RPL3L: variants seen among roughly 807,000 people sequenced by gnomAD.
The protein encoded by RPL3L is ribosomal protein uL3-like.
A neutral mutation model predicts 44.5 loss-of-function variants in RPL3L; 44 were observed. The ratio of observed to expected loss-of-function variants is 0.99; its 90% CI spans 0.78 to 1.27. The LOEUF (loss-of-function observed/expected upper bound fraction) is 1.27. RPL3L is among the 50% of genes most tolerant of loss of function. RPL3L has a pLI of 0.00. For synonymous variants in RPL3L, 292 were observed against 230.7 expected (o/e 1.27, Z -2.41); for missense variants, 631 against 569.1 (o/e 1.11, Z -1.11).
chr16:1,946,505 G>C, intron 7 of RPL3L, 120 bp downstream of exon 7: 1 of 1,029,338 alleles, frequency 9.7e-7, no homozygotes, highest in South Asian at 1.5e-5. Flanking sequence ...GGCAGGGAGC[G>C]TCCAGCTGAG....
chr16:1,951,052 T>C, intron 3 of RPL3L, 73 bp from the exon 4 acceptor site: 1 of 1,556,474 alleles, frequency 6.4e-7, no homozygotes, highest in South Asian at 1.2e-5. Flanking sequence ...TGCCCCCACC[T>C]CACCCCCAGC....
At position 1,945,875 on chromosome 16, in the gene RPL3L, C is replaced by T. The variant is rs767496876; in HGVS notation, c.1007G>A (p.Cys336Tyr). 3 of 1,613,954 alleles carry T rather than the reference C, an allele frequency of 1.9e-6. No individual in the cohort carries two copies. The highest frequency in any genetic ancestry group is 1.1e-5 in the South Asian group (1 of 91,082). The change falls in exon 8 of 10, where the codon TGT becomes TAT. Residue 336 changes from cysteine to tyrosine, a missense_variant. Coordinates refer to ENST00000268661, the MANE Select transcript of RPL3L (RefSeq NM_005061.3). ...VNNDFVMLKG[C>Y]IAGTKKRVIT... ...GACCCGCTTCTTGGTACCAGCAATA[C>T]AACCCTTCAGCATGACGAAGTCGTT...
intron 1 of RPL3L, 48 bp downstream of exon 1, chr16:1,954,579 CCA>C (rs1567312898): frequency 2.6e-6 from 4 of 1,528,822 alleles, no homozygotes; most frequent in Non-Finnish European, 3.5e-6. Context: ...TCCCACCCCC[CCA>C]GAGTTCCAGC....
chr16:1,947,414 C>T (rs758584146), intron 4 of RPL3L, 34 bp from the exon 5 acceptor site: 16 of 1,496,618 alleles, frequency 1.1e-5, no homozygotes, highest in Non-Finnish European at 1.4e-5. Flanking sequence ...CGCCACGGCC[C>T]ACGGGATCAC....
At chr16:1,946,033 G>A in intron 7 of RPL3L, 103 bp from the exon 8 acceptor site, 1 of 965,654 alleles carries the variant, frequency 1.0e-6, no homozygotes, top group Non-Finnish European at 1.6e-6. Context: ...TGATAGGCAG[G>A]AGCCCCGTGC....
At chr16:1,945,210 C>T in intron 9 of RPL3L, among the ~76,000 whole-genome samples, 1 of 152,108 alleles carries the variant, frequency 6.6e-6, no homozygotes, top group Admixed American at 6.5e-5. Context: ...AGAAAATTAG[C>T]CTGGCGTGGT....
rs1267758005 is a variant in RPL3L at position 1,946,707 on chromosome 16, C to A, written c.869G>T (p.Gly290Val). The A allele has an allele frequency of 2.5e-6, 4 of 1,612,646 alleles. No individual in the cohort carries two copies. Among genetic ancestry groups the A allele is most frequent in the Admixed American group, 3.3e-5 (2 of 60,030 alleles). ...LNKKIFRIGR[G>V]PHMEDGKLVK... ...CAGCTTCCCGTCCTCCATGTGCGGG[C>A]CCCTGCCGATGCGGAAGATCTGCCA... The change falls in exon 7 of 10, where the codon GGC (glycine) becomes GTC (valine). Residue 290 changes from glycine to valine, a missense_variant. Transcript: ENST00000268661.
rs750814211 is a variant in RPL3L, at chr16:1,953,026, C to T, written c.213G>A (p.Glu71=). ...CTACAATTGTCACCGCCTCCACCTC[C>T]TCCCGTTTGGAAATTTCTGGATGAG... ...HRPGLKISKR[E]EVEAVTIVET... is the part of the protein sequence containing the mutation. Residue 71 remains glutamate (E), a synonymous_variant, in exon 3 of 10, where the codon GAG becomes GAA. Transcript: ENST00000268661. 8.8e-6 allele frequency: 14 copies of T among 1,599,354 alleles called. No individual in the cohort carries two copies. Among genetic ancestry groups the T allele is most frequent in the African/African-American group, 2.7e-5 (2 of 74,436 alleles).
At chr16:1,945,022 C>T (rs920328630) in intron 9 of RPL3L, 129 bp from the exon 10 acceptor site, 5 of 1,184,306 alleles carry the variant, frequency 4.2e-6, no homozygotes, top group Admixed American at 3.6e-5. Context: ...CCCCCACCTT[C>T]TCTTCTAAAG....
At chr16:1,944,985 C>T (rs1160741676) in intron 9 of RPL3L, 92 bp from the exon 10 acceptor site, 2 of 1,503,694 alleles carry the variant, frequency 1.3e-6, no homozygotes, top group South Asian at 1.1e-5. Flanking sequence ...CAGGGCCGGC[C>T]CTACTGCCCC....
chr16:1,944,699 TCTAGGCAGCAGGCAAGGTGAA>T lies in RPL3L; in HGVS notation c.*117_*137del. 2.0e-6 allele frequency: 2 copies of T among 1,000,850 alleles called. No individual in the cohort carries two copies. The highest frequency in any genetic ancestry group is 1.6e-6 in the Non-Finnish European group (1 of 637,862). The allele number at this position is 1,000,850 out of a possible 1,614,324, so 62.0% of individuals were successfully genotyped here. ...CCCCTGTCTTAATGAATCGGCTTTG[TCTAGGCAGCAGGCAAGGTGAA>T]CCCCTTGGGCGGTTACACAGCGCTC... On this transcript the variant is annotated 3_prime_UTR_variant, in exon 10 of 10. Transcript: ENST00000268661.
chr16:1,944,825 AC>A lies in RPL3L; in HGVS notation c.*11del, dbSNP rs779813145. ...GTGCGGTGCGCTTCAGGGTTCATCC[AC>A]CCCACACAGCCTACAAGTCTCCCGA... On this transcript the variant is annotated 3_prime_UTR_variant, in exon 10 of 10. Transcript: ENST00000268661. 1.9e-6 allele frequency: 3 copies of A among 1,613,922 alleles called. No homozygotes were observed. In the South Asian group the frequency reaches 3.3e-5, roughly 18 times the overall value.
At chr16:1,945,016 C>T (rs2083110103) in intron 9 of RPL3L, 123 bp from the exon 10 acceptor site, 3 of 1,225,108 alleles carry the variant, frequency 2.4e-6, no homozygotes, top group Admixed American at 1.8e-5. Flanking sequence ...CTTCCTCCCC[C>T]ACCTTCTCTT....
At chr16:1,948,006 C>G (rs536022518) in intron 4 of RPL3L, among the ~76,000 whole-genome samples, 1 of 146,428 alleles carries the variant, frequency 6.8e-6, no homozygotes, top group African/African-American at 2.6e-5. Context: ...GGCATGATCT[C>G]GGCTCACTGC....
chr16:1,952,251 C>T (rs766071415), intron 3 of RPL3L, among the ~76,000 whole-genome samples: 6 of 149,662 alleles, frequency 4.0e-5, no homozygotes, highest in East Asian at 2.0e-4. Context: ...CTACTACAGT[C>T]GTGAGCCACC....
chr16:1,944,094 C>G lies in RPL3L; in HGVS notation c.*743G>C, dbSNP rs928467179. 3.3e-5 allele frequency: 5 copies of G among 152,248 alleles called. No homozygotes were observed. The highest frequency in any genetic ancestry group is 7.3e-5 in the Non-Finnish European group (5 of 68,072). 9.4% of individuals were successfully genotyped at this position (152,248 alleles called of 1,614,324 possible). A position where few individuals can be genotyped will look rare whatever the true frequency, so the allele number is the denominator to read the frequency against. ...AAAGTGCTGGGATTACAGGCGTGAG[C>G]CACCGCGCCCAGCCAGTTTATAGTT... On this transcript the variant is annotated 3_prime_UTR_variant, in exon 10 of 10. Coordinates refer to ENST00000268661, the MANE Select transcript of RPL3L (RefSeq NM_005061.3).
chr16:1,950,828 A>G lies in RPL3L; in HGVS notation c.501+16T>C. On this transcript the variant is annotated intron_variant, in intron 4 of 9. Transcript: ENST00000268661. ...GGTCCTAGGGACTGACCGACAGCGG[A>G]GGGCCGGGGGCTGACCTGAGTGTGG... 1 of 1,613,902 alleles carries G rather than the reference A, an allele frequency of 6.2e-7. No individual in the cohort carries two copies. Among genetic ancestry groups the G allele is most frequent in the Non-Finnish European group, 8.5e-7 (1 of 1,179,860 alleles).
chr16:1,950,900 C>T lies in RPL3L; in HGVS notation c.445G>A (p.Asp149Asn), dbSNP rs201908489. The T allele has an allele frequency of 1.3e-4, 204 of 1,613,926 alleles. 1 individual carries two copies. The Middle Eastern group carries it at 2.1e-3, about 17-fold the overall frequency. ...DTDGKKQLQK[D>N]FAAMKKYCKV... ...CAGTACTTCTTCATGGCGGCGAAGT[C>T]CTTCTGTAGCTGCTTTTTCCCGTCT... Residue 149 changes from aspartate to asparagine, a missense_variant, in exon 4 of 10, where the codon GAC becomes AAC. By Grantham distance (23) the Asp-to-Asn change is conservative. Coordinates refer to ENST00000268661, the MANE Select transcript of RPL3L (RefSeq NM_005061.3).
In RPL3L at chr16:1,946,898, C is replaced by G. The variant is rs773064384; in HGVS notation, c.849+40G>C. The G allele has an allele frequency of 2.5e-6, 4 of 1,572,938 alleles. No individual in the cohort carries two copies. In the African/African-American group the frequency reaches 4.0e-5, roughly 16 times the overall value. On this transcript the variant is annotated intron_variant, in intron 6 of 9. Transcript: ENST00000268661. ...TGAGGCCAGTACTGAGGGCTGGGGT[C>G]CGACCACACAGTGTCCCCGTACCCC...
Sources: gnomAD v4.1 joint callset for allele counts (sites outside exome capture counted in the v4.1 genomes callset) on GRCh38, gnomAD v4.1.1 for gene constraint, MANE v1.5 for transcripts, NCBI Gene and HGNC (gene_info 2026-07-23, HGNC 2026-07-21) for gene names.